The following NCAN variants were observed in gnomAD, a reference collection of about 807,000 sequenced individuals.
The protein encoded by NCAN is neurocan.
Under a neutral mutation model 121.8 loss-of-function variants are expected in NCAN, and 47 were observed. The ratio of observed to expected loss-of-function variants is 0.39; its 90% CI spans 0.31 to 0.49. The LOEUF (loss-of-function observed/expected upper bound fraction) is 0.49. Among genes scored for constraint, NCAN ranks in the 20% least tolerant of loss-of-function variants. The probability of loss-of-function intolerance (pLI) is 0.92; values close to 1 mark genes in which losing one functional copy is unlikely to be tolerated. For missense variants in NCAN, 1,517 were observed against 1,773.4 expected, an observed-to-expected ratio of 0.86 and a Z score of 2.60; for synonymous variants, 633 against 702.0, an observed-to-expected ratio of 0.90 and a Z score of 1.55.
chr19:19,229,752 G>T (rs1166758338), intron 8 of NCAN, among the ~76,000 whole-genome samples: 1 of 152,096 alleles, frequency 6.6e-6, no homozygotes, highest in Non-Finnish European at 1.5e-5. Flanking sequence ...ATTAAGCTGA[G>T]TTTTTTGGCC....
intron 13 of NCAN, among the ~76,000 whole-genome samples, chr19:19,247,719 G>A (rs996456889): frequency 9.2e-5 from 14 of 152,102 alleles, no homozygotes; most frequent in East Asian, 1.9e-4. Flanking sequence ...TATTATTGCC[G>A]TCTGTCTCCT....
Position 19,227,122 on chromosome 19 carries a change from G to A in NCAN, c.1660+49G>A, listed in dbSNP as rs2060840464. On this transcript the variant is annotated intron_variant, in intron 7 of 14. Transcript: ENST00000252575. This position sits in a 1 kb window ranked among gnomAD's most constrained non-coding sequence, Gnocchi z 4.2. ...GACCTACCTGGGGATCTGGAGGTGA[G>A]GGTAGAGAGGTAGCCATGGCTACAC... 3.3e-6 allele frequency: 5 copies of A among 1,498,194 alleles called. No homozygotes were observed. Among genetic ancestry groups the A allele is most frequent in the Non-Finnish European group, 1.8e-6 (2 of 1,125,828 alleles). The allele number at this position is 1,498,194 out of a possible 1,614,324, so 92.8% of individuals were successfully genotyped here.
At chr19:19,244,858 C>T (rs2060918634) in intron 12 of NCAN, among the ~76,000 whole-genome samples, 1 of 151,632 alleles carries the variant, frequency 6.6e-6, no homozygotes, top group Non-Finnish European at 1.5e-5. Context: ...TTACAGGCTC[C>T]CACTACCATG....
chr19:19,244,084 C>T (rs888376754), intron 12 of NCAN, among the ~76,000 whole-genome samples: 8 of 152,126 alleles, frequency 5.3e-5, no homozygotes, highest in South Asian at 2.1e-4. Flanking sequence ...ATATATTTTG[C>T]GCTATATATA....
chr19:19,227,095 G>A lies in NCAN; in HGVS notation c.1660+22G>A, dbSNP rs760217081. The A allele has an allele frequency of 6.7e-5, 101 of 1,503,644 alleles. No individual in the cohort carries two copies. Among genetic ancestry groups the A allele is most frequent in the Non-Finnish European group, 8.5e-5 (96 of 1,128,396 alleles). 93.1% of individuals were successfully genotyped at this position (1,503,644 alleles called of 1,614,324 possible). A position where few individuals can be genotyped will look rare whatever the true frequency, so the allele number is the denominator to read the frequency against. ...GCTGGTGAGTTGCTCTGGGGGAGGCGGGACCTACCTGGGGATCTGGAGGTG... is the reference window on the plus strand; with the variant it reads ...GCTGGTGAGTTGCTCTGGGGGAGGCAGGACCTACCTGGGGATCTGGAGGTG... On this transcript the variant is annotated intron_variant, in intron 7 of 14. Transcript: ENST00000252575. The surrounding 1 kb of genome is among the most constrained non-coding windows in gnomAD (Gnocchi z 4.2).
At chr19:19,239,780 C>T (rs1402881672) in intron 11 of NCAN, among the ~76,000 whole-genome samples, 2 of 137,180 alleles carry the variant, frequency 1.5e-5, no homozygotes, top group African/African-American at 2.8e-5. Context: ...CTTCCCCTTG[C>T]TCTTCCTCCT....
At chr19:19,215,072 G>A (rs1047062643) in intron 1 of NCAN, among the ~76,000 whole-genome samples, 2 of 152,198 alleles carry the variant, frequency 1.3e-5, no homozygotes, top group African/African-American at 2.4e-5. Context: ...CGTGTTAGCA[G>A]GCAGGAGGCA....
chr19:19,243,529 A>G (rs538726300), intron 12 of NCAN, among the ~76,000 whole-genome samples: 46 of 151,306 alleles, frequency 3.0e-4, no homozygotes, highest in African/African-American at 9.0e-4. Flanking sequence ...AAAAAAAAAA[A>G]AAAAAGAAAA....
rs1468589543 is a variant in NCAN, at chr19:19,224,286, C to T, written c.651-20C>T. 6.2e-7 allele frequency: 1 copy of T among 1,608,846 alleles called. No homozygotes were observed. The highest frequency in any genetic ancestry group is 1.3e-5 in the African/African-American group (1 of 74,850). On this transcript the variant is annotated intron_variant, in intron 4 of 14. Transcript: ENST00000252575. ...TCCAGGAGCACACATCTGAGAGGGA[C>T]CCTCCCCTTGTGTTGTCAGGTATCC...
At chr19:19,244,507 C>T (rs2060916949) in intron 12 of NCAN, among the ~76,000 whole-genome samples, 1 of 151,860 alleles carries the variant, frequency 6.6e-6, no homozygotes, top group Admixed American at 6.6e-5. Context: ...CAGGGTTTCA[C>T]CTTGTTGTCC....
intron 1 of NCAN, among the ~76,000 whole-genome samples, chr19:19,213,427 G>A (rs962121547): frequency 6.7e-6 from 1 of 149,496 alleles, no homozygotes; most frequent in African/African-American, 2.5e-5. Context: ...TATCCATCTC[G>A]GTTTGTGCCA....
chr19:19,244,777 G>A (rs1396304905), intron 12 of NCAN, among the ~76,000 whole-genome samples: 1 of 143,810 alleles, frequency 7.0e-6, no homozygotes, highest in Non-Finnish European at 1.5e-5. Flanking sequence ...CACCCAGGCT[G>A]GAGTACAATA....
intron 5 of NCAN, 146 bp from the exon 6 acceptor site, chr19:19,224,831 G>C: frequency 1.5e-6 from 1 of 671,742 alleles, no homozygotes; most frequent in Non-Finnish European, 2.3e-6. Flanking sequence ...TGATCCCGGA[G>C]CTGGACGCAC....
chr19:19,221,344 C>T (rs537055369), intron 3 of NCAN, among the ~76,000 whole-genome samples: 16 of 151,450 alleles, frequency 1.1e-4, no homozygotes, highest in African/African-American at 3.2e-4. Flanking sequence ...TCGAGACCAG[C>T]AGATCATGAG....
intron 3 of NCAN, among the ~76,000 whole-genome samples, chr19:19,220,252 T>A (rs2060811479): frequency 6.6e-6 from 1 of 151,430 alleles, no homozygotes. Context: ...AGGATTTTAC[T>A]TGGAGTCAAT....
At position 19,233,159 on chromosome 19, in the gene NCAN, C is replaced by T. The variant is rs546111924; in HGVS notation, c.3020-630C>T. Among the ~76,000 whole-genome samples the T allele has an allele frequency of 1.1e-4, 16 of 152,268 alleles. 2 individuals carry two copies. The South Asian group carries it at 3.3e-3, about 32-fold the overall frequency. Reference sequence around the variant, plus strand: ...ATGTTGGCCAGGCTGGTCTCGAACTCCTGACCTCAGGTGATCCACCTGCCT... The same window carrying T: ...ATGTTGGCCAGGCTGGTCTCGAACTTCTGACCTCAGGTGATCCACCTGCCT... On this transcript the variant is annotated intron_variant, in intron 8 of 14. Transcript: ENST00000252575.
chr19:19,216,879 T>C, intron 1 of NCAN, 68 bp from the exon 2 acceptor site: 1 of 940,648 alleles, frequency 1.1e-6, no homozygotes, highest in Non-Finnish European at 1.5e-6. Flanking sequence ...AGTTTGGTCC[T>C]GCAATGCTGA....
At chr19:19,234,350 C>T (rs1407189560) in intron 9 of NCAN, among the ~76,000 whole-genome samples, 1 of 152,270 alleles carries the variant, frequency 6.6e-6, no homozygotes, top group East Asian at 1.9e-4. Flanking sequence ...CTCTATGTGT[C>T]ATCTTGACTT....
At chr19:19,230,123 CA>C (rs1434362917) in intron 8 of NCAN, among the ~76,000 whole-genome samples, 2 of 151,692 alleles carry the variant, frequency 1.3e-5, no homozygotes, top group Non-Finnish European at 2.9e-5. Flanking sequence ...CGGCGCACTG[CA>C]ACCTCCGCCT....
Sources: gnomAD v4.1 joint callset for allele counts (sites outside exome capture counted in the v4.1 genomes callset) on GRCh38, gnomAD v4.1.1 for gene constraint, Gnocchi (gnomAD v3.1) non-coding constraint, MANE v1.5 for transcripts, NCBI Gene and HGNC (gene_info 2026-07-23, HGNC 2026-07-21) for gene names.